RASAL2: variants seen among roughly 807,000 people sequenced by gnomAD.
RASAL2 encodes RAS protein activator like 2, also known as ras GTPase-activating protein nGAP.
In RASAL2, 58 loss-of-function variants were observed where a neutral mutation model predicts 128.9. That is an observed-to-expected ratio of 0.45 (90% confidence interval 0.36 to 0.56). RASAL2 has a LOEUF of 0.56. Ranked by LOEUF, RASAL2 falls within the 20% of genes least tolerant of loss-of-function variation. The pLI is 0.00. For synonymous variants in RASAL2, 561 were observed against 580.8 expected (o/e 0.97, Z 0.49); for missense variants, 1,360 against 1,601.6 (o/e 0.85, Z 2.57).
intron 3 of RASAL2, among the ~76,000 whole-genome samples, chr1:178,385,151 A>C (rs1220973993): frequency 6.6e-6 from 1 of 152,220 alleles, no homozygotes; most frequent in Non-Finnish European, 1.5e-5. Flanking sequence ...TCATTATTCA[A>C]AATCCTGAAA....
intron 16 of RASAL2, among the ~76,000 whole-genome samples, chr1:178,466,333 C>T (rs1647681654): frequency 6.6e-6 from 1 of 152,114 alleles, no homozygotes; most frequent in African/African-American, 2.4e-5. Context: ...TTAACCATAA[C>T]AATTAGAAAA....
At chr1:178,464,836 T>G (rs1173135537) in intron 15 of RASAL2, among the ~76,000 whole-genome samples, 1 of 134,644 alleles carries the variant, frequency 7.4e-6, no homozygotes, top group East Asian at 2.1e-4. Flanking sequence ...TAGTTGTTTT[T>G]TTTTTTTTTT....
At chr1:178,446,459 T>C (rs757185429) in intron 9 of RASAL2, among the ~76,000 whole-genome samples, 8 of 152,216 alleles carry the variant, frequency 5.3e-5, no homozygotes, top group Admixed American at 6.5e-5. Context: ...ACAGGTGAAA[T>C]TGATAACATA....
At chr1:178,467,192 T>C (rs1647811590) in intron 16 of RASAL2, 142 bp from the exon 17 acceptor site, 2 of 651,806 alleles carry the variant, frequency 3.1e-6, no homozygotes. Flanking sequence ...TTAGATGTCT[T>C]ATTCCAAGGT....
intron 4 of RASAL2, among the ~76,000 whole-genome samples, chr1:178,417,537 G>A (rs903107711): frequency 2.0e-5 from 3 of 152,078 alleles, no homozygotes; most frequent in South Asian, 2.1e-4. Flanking sequence ...CGAGGTGGGC[G>A]GATCACCTGA....
intron 5 of RASAL2, 95 bp from the exon 6 acceptor site, chr1:178,439,327 G>A: frequency 1.8e-6 from 2 of 1,081,676 alleles, no homozygotes; most frequent in East Asian, 5.0e-5. Flanking sequence ...CTTCCCTTAG[G>A]CATTTGTACA....
chr1:178,254,031 C>G (rs1395378606), intron 1 of RASAL2, among the ~76,000 whole-genome samples: 1 of 152,158 alleles, frequency 6.6e-6, no homozygotes, highest in Non-Finnish European at 1.5e-5. Context: ...ATTTATAACA[C>G]ACTCTGGCCT....
chr1:178,252,086 A>G (rs1665080229), intron 1 of RASAL2, among the ~76,000 whole-genome samples: 1 of 152,072 alleles, frequency 6.6e-6, no homozygotes, highest in South Asian at 2.1e-4. Context: ...TAAACTGAAA[A>G]TTTATGTGGG....
intron 5 of RASAL2, among the ~76,000 whole-genome samples, chr1:178,438,373 T>C (rs1471417514): frequency 6.6e-6 from 1 of 152,080 alleles, no homozygotes; most frequent in Non-Finnish European, 1.5e-5. Context: ...ACTTATTTAA[T>C]GTGTTTTATA....
chr1:178,332,655 A>G (rs1480872594), intron 3 of RASAL2, among the ~76,000 whole-genome samples: 2 of 140,644 alleles, frequency 1.4e-5, no homozygotes, highest in African/African-American at 2.7e-5. Context: ...TCTGCCGCCC[A>G]GGCTGGAGTG....
intron 1 of RASAL2, among the ~76,000 whole-genome samples, chr1:178,247,686 A>T (rs1343315081): frequency 2.0e-5 from 3 of 151,978 alleles, no homozygotes; most frequent in Admixed American, 6.6e-5. Flanking sequence ...GATCTTTCCC[A>T]CTTTCTGATA....
At chr1:178,299,848 A>G in intron 2 of RASAL2, 144 bp from the exon 3 acceptor site, 2 of 773,576 alleles carry the variant, frequency 2.6e-6, no homozygotes, top group East Asian at 3.0e-5. Context: ...ATACCTTACC[A>G]TTGTATATAC....
chr1:178,447,843 A>G (rs968548062), intron 9 of RASAL2, among the ~76,000 whole-genome samples: 2 of 152,048 alleles, frequency 1.3e-5, no homozygotes, highest in Admixed American at 6.6e-5. Context: ...CAAGGAGGGA[A>G]CGAATATTAC....
chr1:178,428,170 C>T (rs1675648065), intron 5 of RASAL2, among the ~76,000 whole-genome samples: 1 of 151,904 alleles, frequency 6.6e-6, no homozygotes, highest in Non-Finnish European at 1.5e-5. Context: ...TTTGTTTAAC[C>T]ATTCAGCCAT....
At chr1:178,447,622 G>A (rs1345627322) in intron 9 of RASAL2, among the ~76,000 whole-genome samples, 2 of 120,486 alleles carry the variant, frequency 1.7e-5, no homozygotes, top group Non-Finnish European at 3.2e-5. Flanking sequence ...GGTAAGCCAA[G>A]ATTATACCAT....
At chr1:178,427,232 G>A (rs960654281) in intron 5 of RASAL2, among the ~76,000 whole-genome samples, 3 of 152,124 alleles carry the variant, frequency 2.0e-5, no homozygotes, top group African/African-American at 7.2e-5. Context: ...TCATTCAAAT[G>A]CACTTAAAAC....
intron 4 of RASAL2, among the ~76,000 whole-genome samples, chr1:178,395,515 C>A (rs1673158357): frequency 1.3e-5 from 2 of 152,048 alleles, no homozygotes; most frequent in South Asian, 2.1e-4. Context: ...AAAATACTTG[C>A]TTTACCTTTG....
chr1:178,278,307 T>C (rs1205397192), intron 1 of RASAL2, among the ~76,000 whole-genome samples: 3 of 152,168 alleles, frequency 2.0e-5, no homozygotes, highest in Admixed American at 2.0e-4. Flanking sequence ...TGGCCATGTC[T>C]GGGCAAGTCA....
chr1:178,186,294 T>G (rs889286132), intron 1 of RASAL2, among the ~76,000 whole-genome samples: 1 of 151,930 alleles, frequency 6.6e-6, no homozygotes, highest in Admixed American at 6.6e-5. Flanking sequence ...TGGGTAGAGA[T>G]TTATCTATTT....
Sources: gnomAD v4.1 joint callset for allele counts (sites outside exome capture counted in the v4.1 genomes callset) on GRCh38, gnomAD v4.1.1 for gene constraint, MANE v1.5 for transcripts, NCBI Gene and HGNC (gene_info 2026-07-23, HGNC 2026-07-21) for gene names.